POM121: variants seen among roughly 807,000 people sequenced by gnomAD.
POM121 encodes the protein nuclear envelope pore membrane protein POM 121.
POM121 carries 32 observed loss-of-function variants against 81.3 expected under a neutral mutation model. The observed-to-expected ratio is 0.39, with a 90% CI of 0.30 to 0.53. The LOEUF (loss-of-function observed/expected upper bound fraction) is 0.53, where lower values mean the gene tolerates loss of function less well. Among genes scored for constraint, POM121 ranks in the 20% least tolerant of loss-of-function variants. The probability of loss-of-function intolerance (pLI) is 0.66; values close to 1 mark genes in which losing one functional copy is unlikely to be tolerated. For synonymous variants in POM121, 514 were observed against 694.2 expected (o/e 0.74, Z 4.08); for missense variants, 1,138 against 1,614.6 (o/e 0.70, Z 5.06).
At chr7:72,897,946 G>C (rs1170110486) in intron 3 of POM121, among the ~76,000 whole-genome samples, 1 of 152,170 alleles carries the variant, frequency 6.6e-6, no homozygotes, top group African/African-American at 2.4e-5. Context: ...TTTAGCCTGG[G>C]AAGTCATGGC....
chr7:72,914,041 C>A (rs1339696103), intron 4 of POM121, among the ~76,000 whole-genome samples: 1 of 152,190 alleles, frequency 6.6e-6, no homozygotes, highest in Admixed American at 6.5e-5. Context: ...AGGACAGAAG[C>A]GACGCTATGA....
chr7:72,886,956 A>C (rs1189678229), intron 1 of POM121, among the ~76,000 whole-genome samples: 1 of 151,380 alleles, frequency 6.6e-6, no homozygotes, highest in Admixed American at 6.6e-5. Context: ...TTGGGGGAAC[A>C]TTTTTATCAT....
At chr7:72,917,548 C>T (rs782172426) in intron 4 of POM121, among the ~76,000 whole-genome samples, 6 of 152,124 alleles carry the variant, frequency 3.9e-5, no homozygotes, top group Non-Finnish European at 8.8e-5. Flanking sequence ...CTTTCCTTCT[C>T]GGATTTAGGA....
intron 3 of POM121, among the ~76,000 whole-genome samples, chr7:72,901,031 G>C (rs1554492583): frequency 1.3e-5 from 2 of 151,200 alleles, no homozygotes; most frequent in African/African-American, 4.9e-5. Context: ...TATTGCCCAG[G>C]TCAGACTGCA....
At chr7:72,902,688 T>A (rs1792815284) in intron 3 of POM121, among the ~76,000 whole-genome samples, 2 of 151,904 alleles carry the variant, frequency 1.3e-5, no homozygotes, top group South Asian at 2.1e-4. Context: ...TCTACCACAC[T>A]TGGCTAATTG....
rs1319728138 is a variant in POM121, at chr7:72,928,464, A to C, written c.1102A>C (p.Lys368Gln). 1 of 1,613,784 alleles carries C rather than the reference A, an allele frequency of 6.2e-7. No individual in the cohort carries two copies. Among genetic ancestry groups the C allele is most frequent in the Non-Finnish European group, 8.5e-7 (1 of 1,179,768 alleles). Reference sequence around the variant, plus strand: ...TGGAGTCCCCGCTTCTTTTGTGCCTAAGTAAGTGGGAGTCCATCCGGATGA... The same window carrying C: ...TGGAGTCCCCGCTTCTTTTGTGCCTCAGTAAGTGGGAGTCCATCCGGATGA... ...ANGVPASFVP[K>Q]PGSLKRGLNS... is the part of the protein sequence containing the mutation. The change falls in exon 4 of 13, where the codon AAG becomes CAG. Residue 368 changes from lysine to glutamine, a missense_variant and splice_region_variant. This residue lies in a region of POM121 where 646 missense variants were observed against 633.5 expected (regional missense o/e 1.02). Coordinates refer to ENST00000434423, the MANE Select transcript of POM121 (RefSeq NM_001387691.1).
At chr7:72,912,267 G>C (rs142007653) in intron 3 of POM121, among the ~76,000 whole-genome samples, 8 of 152,188 alleles carry the variant, frequency 5.3e-5, no homozygotes, top group African/African-American at 1.9e-4. Context: ...TCCTATGTGA[G>C]GGATCAAAAG....
At chr7:72,889,196 TTGG>T in intron 1 of POM121, among the ~76,000 whole-genome samples, 1 of 152,348 alleles carries the variant, frequency 6.6e-6, no homozygotes, top group Non-Finnish European at 1.5e-5. Flanking sequence ...TTACTCTCTC[TTGG>T]TGATTTTATC....
chr7:72,884,330 A>G (rs1790462286), intron 1 of POM121, among the ~76,000 whole-genome samples: 1 of 152,084 alleles, frequency 6.6e-6, no homozygotes, highest in African/African-American at 2.4e-5. Flanking sequence ...TCATGAGCTC[A>G]TGGGTTTAAA....
intron 5 of POM121, among the ~76,000 whole-genome samples, chr7:72,937,021 C>A: frequency 6.6e-6 from 1 of 151,840 alleles, no homozygotes; most frequent in Non-Finnish European, 1.5e-5. Context: ...CTTTTGGAGG[C>A]CAAGGCAGGC....
intron 1 of POM121, among the ~76,000 whole-genome samples, chr7:72,888,992 G>A (rs1287995153): frequency 6.6e-6 from 1 of 151,902 alleles, no homozygotes; most frequent in Non-Finnish European, 1.5e-5. Context: ...CTATATTATT[G>A]GAATAAGTCC....
chr7:72,945,520 C>T (rs1391184968), intron 11 of POM121, 66 bp from the exon 12 acceptor site: 1 of 1,597,036 alleles, frequency 6.3e-7, no homozygotes, highest in South Asian at 1.1e-5. Context: ...GCACAGGCTC[C>T]TGCCCGGCTC....
At chr7:72,945,774 T>C (rs1230357905) in intron 12 of POM121, 66 bp downstream of exon 12, 191 of 1,550,264 alleles carry the variant, frequency 1.2e-4, no homozygotes, top group South Asian at 5.9e-4. Context: ...GGGTGGCAGG[T>C]TCCTGGTCCT....
chr7:72,900,858 T>C (rs1189611353), intron 3 of POM121, among the ~76,000 whole-genome samples: 2 of 152,014 alleles, frequency 1.3e-5, no homozygotes, highest in African/African-American at 4.8e-5. Context: ...GTTATTTTGC[T>C]CTTTTTCTAG....
In POM121 at chr7:72,926,475, G is replaced by A. The variant is rs1304955639; in HGVS notation, c.858G>A (p.Ala286=). ...CTGACAGAAGATTTTCGCGTTCTGC[G>A]ATGTGAGTATTATCGTTGGAAGAAT... ...APPDRRFSRS[A]IPEQIISSTL... The change falls in exon 2 of 13, where the codon GCG becomes GCA. Residue 286 remains alanine (A), a splice_region_variant and synonymous_variant. Transcript: ENST00000434423. The A allele has an allele frequency of 5.6e-6, 9 of 1,613,858 alleles. No homozygotes were observed. Among genetic ancestry groups the A allele is most frequent in the African/African-American group, 5.3e-5 (4 of 74,920 alleles).
upstream of POM121, among the ~76,000 whole-genome samples, chr7:72,922,634 CG>C (rs1269122025): frequency 6.6e-6 from 1 of 152,010 alleles, no homozygotes; most frequent in Non-Finnish European, 1.5e-5. Context: ...CAAAGCGATC[CG>C]CCCACCTTGG....
intron 5 of POM121, among the ~76,000 whole-genome samples, chr7:72,936,567 G>A (rs1266693174): frequency 4.6e-5 from 7 of 152,076 alleles, no homozygotes; most frequent in Non-Finnish European, 7.4e-5. Context: ...GTCAGCCACC[G>A]TGCCCAGCTT....
intron 5 of POM121, among the ~76,000 whole-genome samples, chr7:72,931,574 C>CT (rs782387745): frequency 3.5e-3 from 492 of 139,242 alleles, no homozygotes; most frequent in East Asian, 5.3e-3. Flanking sequence ...CACGCAATTT[C>CT]TTTTTTTTTT....
intron 3 of POM121, 73 bp downstream of exon 3, chr7:72,927,036 T>C (rs1795523174): frequency 6.2e-7 from 1 of 1,609,504 alleles, no homozygotes; most frequent in East Asian, 2.2e-5. Flanking sequence ...GACATTCCCA[T>C]ATAGATACAG....
Sources: gnomAD v4.1 joint callset for allele counts (sites outside exome capture counted in the v4.1 genomes callset) on GRCh38, gnomAD v4.1.1 for gene constraint, gnomAD v4.1.1 regional missense constraint, MANE v1.5 for transcripts, NCBI Gene and HGNC (gene_info 2026-07-23, HGNC 2026-07-21) for gene names.